Variants in CDH13 observed in about 807,000 individuals in gnomAD.
CDH13 encodes cadherin-13.
CDH13 carries 24 observed loss-of-function variants against 63.8 expected under a neutral mutation model. The ratio of observed to expected loss-of-function variants is 0.38; its 90% CI spans 0.27 to 0.53. CDH13 has a LOEUF of 0.53. Ranked by LOEUF, CDH13 falls within the 20% of genes least tolerant of loss-of-function variation. The pLI, the probability that CDH13 is intolerant of heterozygous loss-of-function variation, is 0.85. For synonymous variants in CDH13, 503 were observed against 355.3 expected, an observed-to-expected ratio of 1.42 and a Z score of -4.67; for missense variants, 1,049 against 903.1, an observed-to-expected ratio of 1.16 and a Z score of -2.07.
intron 4 of CDH13, among the ~76,000 whole-genome samples, chr16:83,156,370 A>C (rs2037206768): frequency 6.6e-6 from 1 of 152,048 alleles, no homozygotes; most frequent in Non-Finnish European, 1.5e-5. Flanking sequence ...CAGTATAAGC[A>C]AAGCATTTTC....
chr16:83,240,881 T>C (rs1444271412), intron 5 of CDH13, among the ~76,000 whole-genome samples: 2 of 152,066 alleles, frequency 1.3e-5, no homozygotes, highest in African/African-American at 2.4e-5. Context: ...TTTATAAGTA[T>C]GCAGTAAAGT....
chr16:83,186,134 TA>T (rs2038515005), intron 4 of CDH13, among the ~76,000 whole-genome samples: 2 of 129,200 alleles, frequency 1.5e-5, no homozygotes, highest in African/African-American at 6.0e-5. Context: ...TATTTTATTT[TA>T]TTTTATTTTA....
At chr16:83,373,919 A>C (rs534121160) in intron 6 of CDH13, among the ~76,000 whole-genome samples, 2 of 152,248 alleles carry the variant, frequency 1.3e-5, no homozygotes, top group Non-Finnish European at 2.9e-5. Flanking sequence ...GCAACCCGAA[A>C]GGGAAGGATC....
At chr16:83,282,374 A>G (rs1477676721) in intron 5 of CDH13, among the ~76,000 whole-genome samples, 1 of 152,236 alleles carries the variant, frequency 6.6e-6, no homozygotes, top group Non-Finnish European at 1.5e-5. Flanking sequence ...TTCGATTTGT[A>G]AAAAACACAA....
At chr16:83,591,036 G>A (rs1017806893) in intron 7 of CDH13, among the ~76,000 whole-genome samples, 10 of 150,858 alleles carry the variant, frequency 6.6e-5, no homozygotes, top group African/African-American at 1.2e-4. Flanking sequence ...TCAGCCTCCC[G>A]AGTAGTTGGG....
At chr16:83,749,974 G>C (rs568677314) in intron 11 of CDH13, among the ~76,000 whole-genome samples, 2 of 152,132 alleles carry the variant, frequency 1.3e-5, no homozygotes, top group African/African-American at 4.8e-5. Flanking sequence ...CTTAAGTTTC[G>C]TTTTTCTTTA....
intron 1 of CDH13, among the ~76,000 whole-genome samples, chr16:82,761,863 C>A (rs2034869664): frequency 6.6e-6 from 1 of 152,156 alleles, no homozygotes; most frequent in African/African-American, 2.4e-5. Flanking sequence ...CAGACACATA[C>A]ACACACATCC....
chr16:83,264,806 A>G (rs1468104162), intron 5 of CDH13, among the ~76,000 whole-genome samples: 1 of 151,778 alleles, frequency 6.6e-6, no homozygotes, highest in Non-Finnish European at 1.5e-5. Context: ...TACTATCATC[A>G]TACTATTATA....
At chr16:83,755,516 G>C (rs1913434995) in intron 11 of CDH13, among the ~76,000 whole-genome samples, 1 of 152,084 alleles carries the variant, frequency 6.6e-6, no homozygotes, top group South Asian at 2.1e-4. Flanking sequence ...AAATCAAACT[G>C]ATGAAAAACA....
chr16:82,804,891 C>G (rs2037068744), intron 1 of CDH13, among the ~76,000 whole-genome samples: 1 of 152,166 alleles, frequency 6.6e-6, no homozygotes, highest in Non-Finnish European at 1.5e-5. Context: ...CAAATTCCCT[C>G]AGATTTTGTT....
At chr16:83,286,037 A>G (rs900268439) in intron 5 of CDH13, among the ~76,000 whole-genome samples, 6 of 152,114 alleles carry the variant, frequency 3.9e-5, no homozygotes, top group African/African-American at 1.2e-4. Context: ...TGGCTCAGCC[A>G]TCTTTACCCT....
intron 2 of CDH13, chr16:83,023,007 T>A (rs890259729): frequency 1.3e-5 from 2 of 152,256 alleles, no homozygotes; most frequent in African/African-American, 4.8e-5. Flanking sequence ...CCTTATCCAT[T>A]TTTAGATGGT....
chr16:83,277,958 A>G (rs1341044195), intron 5 of CDH13, among the ~76,000 whole-genome samples: 1 of 152,156 alleles, frequency 6.6e-6, no homozygotes, highest in Non-Finnish European at 1.5e-5. Flanking sequence ...TATTCAGTGA[A>G]ATGCTATATC....
At chr16:83,243,209 G>A (rs1454988001) in intron 5 of CDH13, among the ~76,000 whole-genome samples, 1 of 152,096 alleles carries the variant, frequency 6.6e-6, no homozygotes, top group African/African-American at 2.4e-5. Context: ...GGCTGTACTA[G>A]TCTGTTTCAC....
intron 1 of CDH13, among the ~76,000 whole-genome samples, chr16:82,667,886 G>T (rs1428552092): frequency 6.6e-6 from 1 of 152,154 alleles, no homozygotes; most frequent in African/African-American, 2.4e-5. Context: ...TTTCAAAGCT[G>T]TCTCAAAATG....
chr16:82,972,341 G>A (rs989437950), intron 2 of CDH13, among the ~76,000 whole-genome samples: 1 of 152,150 alleles, frequency 6.6e-6, no homozygotes, highest in African/African-American at 2.4e-5. Context: ...ATGATTGAAA[G>A]GTAAGACAAG....
chr16:82,632,848 C>G (rs1181975633), intron 1 of CDH13, among the ~76,000 whole-genome samples: 1 of 152,016 alleles, frequency 6.6e-6, no homozygotes, highest in African/African-American at 2.4e-5. Context: ...GCTTGTTTTT[C>G]TGCCACTAGA....
chr16:83,036,188 C>T (rs1249483405), intron 3 of CDH13, among the ~76,000 whole-genome samples: 1 of 132,628 alleles, frequency 7.5e-6, no homozygotes, highest in African/African-American at 2.9e-5. Flanking sequence ...TCAGTCCTGT[C>T]TCACAGGCTG....
intron 2 of CDH13, among the ~76,000 whole-genome samples, chr16:82,915,972 C>G (rs1214135741): frequency 2.6e-5 from 4 of 151,712 alleles, no homozygotes; most frequent in African/African-American, 9.7e-5. Flanking sequence ...AGGAGGTGTT[C>G]AAAGCATGTC....
Sources: allele counts gnomAD v4.1 joint callset (sites outside exome capture counted in the v4.1 genomes callset), GRCh38; gene constraint gnomAD v4.1.1; transcripts MANE v1.5; gene names NCBI Gene and HGNC (gene_info 2026-07-23, HGNC 2026-07-21).